PREX1: variants seen among roughly 807,000 people sequenced by gnomAD.
PREX1 encodes phosphatidylinositol 3,4,5-trisphosphate-dependent Rac exchanger 1 protein.
A neutral mutation model predicts 198.3 loss-of-function variants in PREX1; 41 were observed. The observed-to-expected ratio is 0.21, with a 90% CI of 0.16 to 0.27. The LOEUF is 0.27. Ranked by LOEUF, PREX1 falls within the 10% of genes least tolerant of loss-of-function variation. The pLI, the probability that PREX1 is intolerant of heterozygous loss-of-function variation, is 1.00. For synonymous variants in PREX1, 843 were observed against 887.2 expected, an observed-to-expected ratio of 0.95 and a Z score of 0.89; for missense variants, 1,620 against 2,200.7, an observed-to-expected ratio of 0.74 and a Z score of 5.28.
intron 1 of PREX1, among the ~76,000 whole-genome samples, chr20:48,770,838 G>A (rs943636128): frequency 2.6e-5 from 4 of 152,142 alleles, no homozygotes; most frequent in African/African-American, 7.2e-5. Flanking sequence ...TACAGCAGGC[G>A]TCTGAATCAC....
chr20:48,752,157 A>C (rs920422664), intron 1 of PREX1, among the ~76,000 whole-genome samples: 1 of 152,232 alleles, frequency 6.6e-6, no homozygotes, highest in Non-Finnish European at 1.5e-5. Context: ...TGTATTAAGT[A>C]GAAAAGGCAG....
At chr20:48,816,214 C>T (rs1357144056) in intron 1 of PREX1, among the ~76,000 whole-genome samples, 3 of 151,976 alleles carry the variant, frequency 2.0e-5, no homozygotes, top group Non-Finnish European at 2.9e-5. Flanking sequence ...TGGGCAGGGC[C>T]AGAGAGGGAG....
chr20:48,705,488 T>TGAC (rs1426608819), intron 6 of PREX1, among the ~76,000 whole-genome samples: 2 of 152,160 alleles, frequency 1.3e-5, no homozygotes, highest in African/African-American at 4.8e-5. Flanking sequence ...AAGAGAGAGA[T>TGAC]GACAGCTATC....
At chr20:48,714,635 T>C (rs1162860991) in intron 5 of PREX1, among the ~76,000 whole-genome samples, 1 of 152,102 alleles carries the variant, frequency 6.6e-6, no homozygotes, top group East Asian at 1.9e-4. Flanking sequence ...ATGAAAAAAA[T>C]AGAGCCCTCC....
intron 10 of PREX1, among the ~76,000 whole-genome samples, chr20:48,687,015 G>A (rs1410126489): frequency 1.3e-5 from 2 of 152,076 alleles, no homozygotes; most frequent in East Asian, 3.9e-4. Flanking sequence ...CCGGAGGAGT[G>A]CCACCTTCTC....
chr20:48,762,272 T>C (rs1052734369), intron 1 of PREX1, among the ~76,000 whole-genome samples: 15 of 152,190 alleles, frequency 9.9e-5, no homozygotes, highest in African/African-American at 3.1e-4. Flanking sequence ...GTTGTTGATT[T>C]TTTTCCTGAA....
At chr20:48,673,754 TC>T (rs1311349926) in intron 14 of PREX1, among the ~76,000 whole-genome samples, 7 of 152,186 alleles carry the variant, frequency 4.6e-5, no homozygotes, top group Non-Finnish European at 7.3e-5. Context: ...TTGCACAATT[TC>T]TTTAGTCTTC....
chr20:48,746,998 ACACACACACACAC>A (rs2090111494), intron 2 of PREX1, among the ~76,000 whole-genome samples: 1 of 64,884 alleles, frequency 1.5e-5, no homozygotes, highest in Non-Finnish European at 3.0e-5. Context: ...ACACACACAC[ACACACACACACAC>A]CCCACCCCCA....
chr20:48,683,019 G>T (rs2089762227), intron 10 of PREX1, among the ~76,000 whole-genome samples: 2 of 152,214 alleles, frequency 1.3e-5, no homozygotes, highest in South Asian at 4.1e-4. Context: ...GAGGCAGAGT[G>T]GGCTGCAGAA....
intron 1 of PREX1, among the ~76,000 whole-genome samples, chr20:48,824,146 C>T (rs927105486): frequency 2.0e-5 from 3 of 152,154 alleles, no homozygotes; most frequent in Admixed American, 6.5e-5. Flanking sequence ...AAACCCCAGG[C>T]ACTGTTTCCC....
the PREX1 span, among the ~76,000 whole-genome samples, chr20:48,837,659 G>C: frequency 6.6e-6 from 1 of 152,118 alleles, no homozygotes; most frequent in Admixed American, 6.5e-5. Flanking sequence ...AGACACTAGG[G>C]CCTACTTGAG....
At chr20:48,682,409 A>C (rs1190841527) in intron 10 of PREX1, among the ~76,000 whole-genome samples, 1 of 152,096 alleles carries the variant, frequency 6.6e-6, no homozygotes, top group Non-Finnish European at 1.5e-5. Flanking sequence ...TTGTTTACAG[A>C]TTTATTTTAC....
intron 1 of PREX1, among the ~76,000 whole-genome samples, chr20:48,761,722 C>T (rs1217196155): frequency 6.6e-6 from 1 of 152,168 alleles, no homozygotes; most frequent in African/African-American, 2.4e-5. Flanking sequence ...TCACCAACAA[C>T]CCATCCTTCC....
chr20:48,650,281 C>G lies in PREX1; in HGVS notation c.2818-75G>C. 4 of 1,430,980 alleles carry G rather than the reference C, an allele frequency of 2.8e-6. No homozygotes were observed. The South Asian group carries it at 4.7e-5, about 17-fold the overall frequency. The allele number at this position is 1,430,980 out of a possible 1,614,324, so 88.6% of individuals were successfully genotyped here. A position where few individuals can be genotyped will look rare whatever the true frequency, so the allele number is the denominator to read the frequency against. On this transcript the variant is annotated intron_variant, in intron 23 of 39. Transcript: ENST00000371941. ...AATATTGGCCCATACCCAGTACCCA[C>G]TTTATCCTGGCCTAGGCCAGATGCC...
At chr20:48,646,172 G>A in intron 25 of PREX1, 115 bp from the exon 26 acceptor site, 1 of 1,030,624 alleles carries the variant, frequency 9.7e-7, no homozygotes. Context: ...TTGGGGGTGG[G>A]AGACTCGCAA....
At chr20:48,836,346 C>A in the PREX1 span, among the ~76,000 whole-genome samples, 1 of 152,082 alleles carries the variant, frequency 6.6e-6, no homozygotes, top group Admixed American at 6.5e-5. Context: ...GGATGGAGAC[C>A]AGGACAAGGA....
intron 14 of PREX1, among the ~76,000 whole-genome samples, chr20:48,669,969 G>A (rs1224883387): frequency 2.0e-5 from 3 of 152,036 alleles, no homozygotes; most frequent in Non-Finnish European, 2.9e-5. Context: ...GCCTCTCACC[G>A]ACCCACCATG....
rs375567729 is a variant in PREX1, at chr20:48,632,412, G to A, written c.4412-21C>T. 3.7e-6 allele frequency: 6 copies of A among 1,613,160 alleles called. No homozygotes were observed. In the African/African-American group the frequency reaches 8.0e-5, roughly 22 times the overall value. ...CAGCACTGGGAGGGGAGATGTCGGG[G>A]GCGGGCAGGCGGTTGGGAGCCGGTG... is the stretch of plus-strand genomic sequence containing the variant. On this transcript the variant is annotated intron_variant, in intron 34 of 39. Transcript: ENST00000371941.
At chr20:48,841,062 T>C in the PREX1 span, among the ~76,000 whole-genome samples, 1 of 151,984 alleles carries the variant, frequency 6.6e-6, no homozygotes, top group South Asian at 2.1e-4. Flanking sequence ...TAGCTAGGAC[T>C]ACAGGCACGT....
Sources: allele counts gnomAD v4.1 joint callset (sites outside exome capture counted in the v4.1 genomes callset), GRCh38; gene constraint gnomAD v4.1.1; transcripts MANE v1.5; gene names NCBI Gene and HGNC (gene_info 2026-07-23, HGNC 2026-07-21).